The following HADHA variants were observed in gnomAD, a reference collection of about 807,000 sequenced individuals.
The protein encoded by HADHA is trifunctional enzyme subunit alpha, mitochondrial.
Under a neutral mutation model 91.3 loss-of-function variants are expected in HADHA, and 59 were observed. The ratio of observed to expected loss-of-function variants is 0.65; its 90% CI spans 0.52 to 0.80. The LOEUF (loss-of-function observed/expected upper bound fraction) is 0.80, where lower values mean the gene tolerates loss of function less well. HADHA is among the 30% of genes least tolerant of loss of function. The pLI, the probability that HADHA is intolerant of heterozygous loss-of-function variation, is 0.00. For missense variants in HADHA, 800 were observed against 927.6 expected, an observed-to-expected ratio of 0.86 and a Z score of 1.79; for synonymous variants, 320 against 338.9, an observed-to-expected ratio of 0.94 and a Z score of 0.61.
chr2:26,218,253 T>C (rs1364125676), intron 7 of HADHA, among the ~76,000 whole-genome samples: 1 of 151,888 alleles, frequency 6.6e-6, no homozygotes, highest in East Asian at 1.9e-4. Flanking sequence ...TGAGCTGAGA[T>C]TGTGCCACTG....
chr2:26,228,161 C>T (rs1367405166), intron 7 of HADHA, among the ~76,000 whole-genome samples: 1 of 150,762 alleles, frequency 6.6e-6, no homozygotes, highest in East Asian at 1.9e-4. Flanking sequence ...GACAGAGTCT[C>T]GCTCTGTCAC....
chr2:26,241,050 G>A (rs1670876111), intron 1 of HADHA, among the ~76,000 whole-genome samples: 1 of 152,206 alleles, frequency 6.6e-6, no homozygotes, highest in Admixed American at 6.5e-5. Context: ...TAACTGCAGA[G>A]CTTACCCTAT....
intron 1 of HADHA, among the ~76,000 whole-genome samples, chr2:26,241,150 A>T (rs1670877736): frequency 6.6e-6 from 1 of 152,190 alleles, no homozygotes; most frequent in Non-Finnish European, 1.5e-5. Flanking sequence ...TTGTAATGTA[A>T]CCCAAGAATA....
chr2:26,227,972 C>A (rs1226787878), intron 7 of HADHA, among the ~76,000 whole-genome samples: 1 of 152,012 alleles, frequency 6.6e-6, no homozygotes, highest in East Asian at 2.0e-4. Flanking sequence ...TGTGCCACCA[C>A]ACCCAACTAG....
chr2:26,231,968 CAAAAAAA>C (rs70950177), intron 6 of HADHA, among the ~76,000 whole-genome samples, 185 bp downstream of exon 6: 2 of 92,454 alleles, frequency 2.2e-5, no homozygotes, highest in South Asian at 4.0e-4. Context: ...GATTTTGTCT[CAAAAAAA>C]AAAAAAAAAA....
At chr2:26,227,238 G>A (rs1482938090) in intron 7 of HADHA, among the ~76,000 whole-genome samples, 1 of 152,188 alleles carries the variant, frequency 6.6e-6, no homozygotes, top group Admixed American at 6.5e-5. Flanking sequence ...CCAGCTGGGT[G>A]TGGTGGCACA....
In HADHA at chr2:26,197,683, G is replaced by T. The variant is rs764385972; in HGVS notation, c.1479+8C>A. 5.5e-6 allele frequency: 7 copies of T among 1,279,520 alleles called. No homozygotes were observed. Among genetic ancestry groups the T allele is most frequent in the Non-Finnish European group, 8.0e-6 (7 of 874,228 alleles). 79.3% of individuals were successfully genotyped at this position (1,279,520 alleles called of 1,614,324 possible). A position where few individuals can be genotyped will look rare whatever the true frequency, so the allele number is the denominator to read the frequency against. On this transcript the variant is annotated splice_region_variant and intron_variant, in intron 14 of 19. Coordinates refer to ENST00000380649, the MANE Select transcript of HADHA (RefSeq NM_000182.5). ...ACATCTCAGGGTTTTTCTCTGTTCC[G>T]AGTTTACCTTCTCAGGTCTTTTGCT...
chr2:26,232,145 G>C lies in HADHA; in HGVS notation c.573+15C>G. On this transcript the variant is annotated intron_variant, in intron 6 of 19. Coordinates refer to ENST00000380649, the MANE Select transcript of HADHA (RefSeq NM_000182.5). ...AAGAGGGCATATAGCTTCACAAAGGGGATGTTAGACTCACCATTTTGGGCA... is the reference window on the plus strand; with the variant it reads ...AAGAGGGCATATAGCTTCACAAAGGCGATGTTAGACTCACCATTTTGGGCA... The C allele has an allele frequency of 6.3e-7, 1 of 1,599,348 alleles. No homozygotes were observed. Among genetic ancestry groups the C allele is most frequent in the Non-Finnish European group, 8.6e-7 (1 of 1,166,652 alleles).
At chr2:26,220,534 T>G (rs1670350137) in intron 7 of HADHA, among the ~76,000 whole-genome samples, 1 of 152,180 alleles carries the variant, frequency 6.6e-6, no homozygotes, top group Non-Finnish European at 1.5e-5. Flanking sequence ...AACAGATGGA[T>G]CCTATAGAAT....
intron 7 of HADHA, among the ~76,000 whole-genome samples, chr2:26,218,299 C>CA (rs35868710): frequency 0.73 from 107,433 of 146,438 alleles, 41,295 homozygotes; most frequent in African/African-American, 0.93. Flanking sequence ...GACTCTGTCT[C>CA]AAAAAAAAAA....
chr2:26,236,799 TA>T, intron 4 of HADHA, 55 bp downstream of exon 4: 1 of 1,381,166 alleles, frequency 7.2e-7, no homozygotes, highest in Non-Finnish European at 1.0e-6. Flanking sequence ...TTATTAGGCC[TA>T]AGAAACACAC....
At chr2:26,240,657 T>C (rs1670868547) in intron 1 of HADHA, among the ~76,000 whole-genome samples, 1 of 147,534 alleles carries the variant, frequency 6.8e-6, no homozygotes, top group South Asian at 2.1e-4. Context: ...TCAAAAACAT[T>C]TTTTTTCTTT....
rs564493184 is a variant in HADHA, at chr2:26,229,113, G to A, written c.676+1079C>T. 6.6e-6 allele frequency among the ~76,000 whole-genome samples: 1 copy of A among 152,290 alleles called. No individual in the cohort carries two copies. The highest frequency in any genetic ancestry group is 2.1e-4 in the South Asian group (1 of 4,830). The stretch of plus-strand genomic sequence containing the variant: ...CTCGGCACTTTGGGTGGCTGAGGGA[G>A]GAGGATTACTTGAGCCCGGAGTTTG... On this transcript the variant is annotated intron_variant, in intron 7 of 19. Coordinates refer to ENST00000380649, the MANE Select transcript of HADHA (RefSeq NM_000182.5). This position sits in a 1 kb window ranked among gnomAD's most constrained non-coding sequence, Gnocchi z 4.3.
In HADHA at chr2:26,236,835, T is replaced by G; in HGVS notation, c.314+20A>C. 1.3e-6 allele frequency: 2 copies of G among 1,598,792 alleles called. No individual in the cohort carries two copies. Among genetic ancestry groups the G allele is most frequent in the Non-Finnish European group, 1.7e-6 (2 of 1,167,806 alleles). On this transcript the variant is annotated intron_variant, in intron 4 of 19. Transcript: ENST00000380649. ...CTATTAACCAAGATAAAAGGTGACT[T>G]CAAGTTTCCTAAAACTTACTTGATA...
chr2:26,197,254 A>G (rs985387235), intron 14 of HADHA, among the ~76,000 whole-genome samples: 2 of 152,182 alleles, frequency 1.3e-5, no homozygotes, highest in Admixed American at 1.3e-4. Context: ...CAGCCCTTTC[A>G]TGTCCCGGGG....
rs3067380 is a variant in HADHA at position 26,229,374 on chromosome 2, A to AC, written c.676+817_676+818insG. The stretch of plus-strand genomic sequence containing the variant: ...CACACACACACACACACACACACAC[A>AC]AAATTAATACATTTACTATTATGTA... On this transcript the variant is annotated intron_variant, in intron 7 of 19. Coordinates refer to ENST00000380649, the MANE Select transcript of HADHA (RefSeq NM_000182.5). The surrounding 1 kb of genome is among the most constrained non-coding windows in gnomAD (Gnocchi z 4.3). 3.3e-5 allele frequency among the ~76,000 whole-genome samples: 5 copies of AC among 151,476 alleles called. No individual in the cohort carries two copies. The highest frequency in any genetic ancestry group is 6.6e-5 in the Admixed American group (1 of 15,184).
chr2:26,213,567 T>G (rs1304778227), intron 9 of HADHA, among the ~76,000 whole-genome samples: 2 of 152,192 alleles, frequency 1.3e-5, no homozygotes, highest in Non-Finnish European at 2.9e-5. Flanking sequence ...CCCACCCTCC[T>G]TGGCAATACT....
intron 12 of HADHA, among the ~76,000 whole-genome samples, chr2:26,202,847 CATT>C (rs1232816648): frequency 6.6e-6 from 1 of 152,218 alleles, no homozygotes; most frequent in Non-Finnish European, 1.5e-5. Context: ...GCATTCAAAA[CATT>C]ATCAGTTGCT....
chr2:26,204,195 GCCT>G lies in HADHA; in HGVS notation c.1086-2_1086del. 6.2e-7 allele frequency: 1 copy of G among 1,613,842 alleles called. No individual in the cohort carries two copies. The highest frequency in any genetic ancestry group is 8.5e-7 in the Non-Finnish European group (1 of 1,179,672). On this transcript the variant is annotated splice_acceptor_variant and coding_sequence_variant, in exon 12 of 20. Transcript: ENST00000380649. LOFTEE classifies it high-confidence loss of function. ...AGCCCTGCACCAAGAATAGCCAGAT[GCCT>G]GCAAGGCAAGGATGAAATGACTTTC... is the stretch of plus-strand genomic sequence containing the variant.
Sources: gnomAD v4.1 joint callset for allele counts (sites outside exome capture counted in the v4.1 genomes callset) on GRCh38, gnomAD v4.1.1 for gene constraint, Gnocchi (gnomAD v3.1) non-coding constraint, MANE v1.5 for transcripts, NCBI Gene and HGNC (gene_info 2026-07-23, HGNC 2026-07-21) for gene names.